The following LYPD6B variants were observed in gnomAD, a reference collection of about 807,000 sequenced individuals.
The protein encoded by LYPD6B is ly6/PLAUR domain-containing protein 6B.
In LYPD6B, 17 loss-of-function variants were observed where a neutral mutation model predicts 22.8. The ratio of observed to expected loss-of-function variants is 0.75; its 90% CI spans 0.51 to 1.12. The LOEUF is 1.12. Ranked by LOEUF, LYPD6B falls within the 50% of genes most tolerant of loss-of-function variation. The pLI is 0.00. For synonymous variants in LYPD6B, 106 were observed against 91.6 expected (o/e 1.16, Z -0.90); for missense variants, 221 against 258.3 (o/e 0.86, Z 0.99).
At chr2:149,186,768 G>A (rs1294596557) in intron 3 of LYPD6B, among the ~76,000 whole-genome samples, 5 of 152,280 alleles carry the variant, frequency 3.3e-5, no homozygotes, top group African/African-American at 7.2e-5. Context: ...AACTTAGTTG[G>A]TAAAACAGTG....
intron 2 of LYPD6B, among the ~76,000 whole-genome samples, chr2:149,146,614 G>A (rs1689042049): frequency 6.6e-6 from 1 of 151,924 alleles, no homozygotes; most frequent in Admixed American, 6.6e-5. Context: ...GGGTCATTTG[G>A]GAAGACCCAG....
chr2:149,177,835 GTTT>G (rs35470511), intron 3 of LYPD6B, among the ~76,000 whole-genome samples: 3 of 131,850 alleles, frequency 2.3e-5, no homozygotes, highest in African/African-American at 2.8e-5. Flanking sequence ...TTCTGCAAGA[GTTT>G]TTTTTTTTTT....
chr2:149,173,085 C>G (rs1242148684), intron 3 of LYPD6B, among the ~76,000 whole-genome samples: 2 of 151,316 alleles, frequency 1.3e-5, no homozygotes, highest in Non-Finnish European at 2.9e-5. Context: ...TCTGGAAAAA[C>G]CTGACTAATA....
chr2:149,178,646 C>A (rs1691491353), intron 3 of LYPD6B, among the ~76,000 whole-genome samples: 1 of 152,210 alleles, frequency 6.6e-6, no homozygotes, highest in Non-Finnish European at 1.5e-5. Context: ...TGAGAAATGC[C>A]TTTAATGCTT....
intron 5 of LYPD6B, among the ~76,000 whole-genome samples, chr2:149,209,843 T>C (rs1693735226): frequency 6.6e-6 from 1 of 152,232 alleles, no homozygotes. Flanking sequence ...GGGATCATCC[T>C]TAAGTTGTGT....
intron 1 of LYPD6B, among the ~76,000 whole-genome samples, chr2:149,051,387 G>A (rs1031736436): frequency 2.6e-5 from 4 of 151,946 alleles, no homozygotes; most frequent in Admixed American, 6.6e-5. Context: ...GGATGGTCTC[G>A]ATCTCCTGAC....
chr2:149,133,267 A>G (rs541867786), intron 2 of LYPD6B, among the ~76,000 whole-genome samples: 2 of 152,290 alleles, frequency 1.3e-5, no homozygotes, highest in East Asian at 3.9e-4. Context: ...ACCCAGGAAA[A>G]GTACTAAGCC....
At chr2:149,061,425 A>G (rs888746580) in intron 1 of LYPD6B, among the ~76,000 whole-genome samples, 3 of 152,170 alleles carry the variant, frequency 2.0e-5, no homozygotes, top group Non-Finnish European at 2.9e-5. Context: ...CTATTCCAAT[A>G]TAATTGAAGG....
At chr2:149,049,574 T>C (rs1683459045) in intron 1 of LYPD6B, among the ~76,000 whole-genome samples, 1 of 152,188 alleles carries the variant, frequency 6.6e-6, no homozygotes, top group Non-Finnish European at 1.5e-5. Flanking sequence ...GTGTCTGGTG[T>C]AAAGCTGATT....
At chr2:149,067,593 A>G (rs1271924440) in intron 1 of LYPD6B, among the ~76,000 whole-genome samples, 1 of 150,326 alleles carries the variant, frequency 6.7e-6, no homozygotes, top group Non-Finnish European at 1.5e-5. Flanking sequence ...GGCATTATAT[A>G]TTATCCTCAT....
chr2:149,075,271 G>A (rs79011134), intron 1 of LYPD6B, among the ~76,000 whole-genome samples: 2,453 of 152,228 alleles, frequency 0.016, 59 homozygotes, highest in African/African-American at 0.056. Context: ...CAGTGCCAGC[G>A]CTGATTGGAT....
At chr2:149,131,434 A>C (rs1688022663) in intron 2 of LYPD6B, 1 of 152,500 alleles carries the variant, frequency 6.6e-6, no homozygotes, top group African/African-American at 2.4e-5. Context: ...CCAAGTAAAA[A>C]GACAAGGGAT....
intron 1 of LYPD6B, among the ~76,000 whole-genome samples, chr2:149,109,444 T>C (rs1329377719): frequency 6.6e-6 from 1 of 152,132 alleles, no homozygotes; most frequent in Non-Finnish European, 1.5e-5. Context: ...TTTTTAATTC[T>C]TTTTTTAATC....
At chr2:149,095,656 T>C (rs1226883652) in intron 1 of LYPD6B, among the ~76,000 whole-genome samples, 1 of 152,014 alleles carries the variant, frequency 6.6e-6, no homozygotes, top group Non-Finnish European at 1.5e-5. Flanking sequence ...GAGCACAGGA[T>C]GGAGCAAGAG....
At chr2:149,057,774 G>T (rs1683874171) in intron 1 of LYPD6B, among the ~76,000 whole-genome samples, 1 of 152,176 alleles carries the variant, frequency 6.6e-6, no homozygotes, top group African/African-American at 2.4e-5. Context: ...GTGGAAAGGG[G>T]ATCCTGAGAA....
At chr2:149,137,026 T>C (rs973977263) in intron 2 of LYPD6B, among the ~76,000 whole-genome samples, 7 of 152,208 alleles carry the variant, frequency 4.6e-5, no homozygotes, top group Non-Finnish European at 7.3e-5. Context: ...AATAAATTAG[T>C]AGAGAAAGGC....
chr2:149,076,318 A>G (rs1434931507), intron 1 of LYPD6B, among the ~76,000 whole-genome samples: 1 of 152,144 alleles, frequency 6.6e-6, no homozygotes, highest in Non-Finnish European at 1.5e-5. Flanking sequence ...ATTTTTATAC[A>G]TTTTGATTTT....
chr2:149,182,882 T>C (rs1691837290), intron 3 of LYPD6B, among the ~76,000 whole-genome samples: 1 of 152,250 alleles, frequency 6.6e-6, no homozygotes, highest in Admixed American at 6.5e-5. Context: ...TGTTCCTGTA[T>C]TAAGTTATGT....
intron 1 of LYPD6B, among the ~76,000 whole-genome samples, chr2:149,105,188 G>C (rs569212742): frequency 4.6e-5 from 7 of 152,170 alleles, no homozygotes; most frequent in Non-Finnish European, 8.8e-5. Context: ...TCTATTTCTT[G>C]ACCCTATTCT....
Sources: allele counts gnomAD v4.1 joint callset (sites outside exome capture counted in the v4.1 genomes callset), GRCh38; gene constraint gnomAD v4.1.1; transcripts MANE v1.5; gene names NCBI Gene and HGNC (gene_info 2026-07-23, HGNC 2026-07-21).